The following FAM78B variants were observed in gnomAD, a reference collection of about 807,000 sequenced individuals.
FAM78B encodes the protein protein FAM78B.
FAM78B carries 10 observed loss-of-function variants against 20.0 expected under a neutral mutation model. The ratio of observed to expected loss-of-function variants is 0.50; its 90% CI spans 0.31 to 0.85. The LOEUF (loss-of-function observed/expected upper bound fraction) is 0.85. Ranked by LOEUF, FAM78B falls within the 40% of genes least tolerant of loss-of-function variation. The pLI, the probability that FAM78B is intolerant of heterozygous loss-of-function variation, is 0.05. For missense variants in FAM78B, 283 were observed against 345.0 expected (o/e 0.82, Z 1.42); for synonymous variants, 135 against 132.8 (o/e 1.02, Z -0.12).
chr1:166,114,143 T>C (rs1426663023), intron 1 of FAM78B, among the ~76,000 whole-genome samples: 3 of 152,246 alleles, frequency 2.0e-5, no homozygotes, highest in African/African-American at 7.2e-5. Flanking sequence ...GGCACACCTT[T>C]GGGTGCATGA....
chr1:166,135,988 C>G (rs1230910623), intron 1 of FAM78B, among the ~76,000 whole-genome samples: 1 of 152,082 alleles, frequency 6.6e-6, no homozygotes, highest in Non-Finnish European at 1.5e-5. Flanking sequence ...CTAGAATATC[C>G]CCAGGGGTTC....
intron 1 of FAM78B, among the ~76,000 whole-genome samples, chr1:166,128,922 T>C (rs1428480511): frequency 2.0e-5 from 3 of 152,194 alleles, no homozygotes; most frequent in Non-Finnish European, 2.9e-5. Context: ...ATATCTTAAT[T>C]GTATAGAGTG....
At chr1:166,067,957 T>C (rs73033937), downstream of FAM78B, among the ~76,000 whole-genome samples, 6,467 of 152,340 alleles carry the variant, frequency 0.042, 439 homozygotes, top group African/African-American at 0.15. Flanking sequence ...TTTAGATATA[T>C]AGATAAGCTT....
chr1:166,090,626 G>A (rs1481790925), intron 1 of FAM78B, among the ~76,000 whole-genome samples: 2 of 152,182 alleles, frequency 1.3e-5, no homozygotes, highest in Non-Finnish European at 2.9e-5. Context: ...CCATCAGTTC[G>A]AATGATTTCT....
intron 1 of FAM78B, among the ~76,000 whole-genome samples, chr1:166,086,317 T>C (rs1222107268): frequency 6.6e-6 from 1 of 152,136 alleles, no homozygotes; most frequent in Non-Finnish European, 1.5e-5. Context: ...TAGGTGACAC[T>C]AGAGCAGAGG....
At chr1:166,100,752 T>C (rs1653481989) in intron 1 of FAM78B, among the ~76,000 whole-genome samples, 1 of 152,212 alleles carries the variant, frequency 6.6e-6, no homozygotes, top group African/African-American at 2.4e-5. Flanking sequence ...CCTCTGTAGA[T>C]TCCACCTCTG....
At chr1:166,077,710 TATA>T (rs1652339343) in intron 1 of FAM78B, among the ~76,000 whole-genome samples, 1 of 139,278 alleles carries the variant, frequency 7.2e-6, no homozygotes, top group Non-Finnish European at 1.5e-5. Flanking sequence ...AATAAATACA[TATA>T]ATTACATATA....
downstream of FAM78B, among the ~76,000 whole-genome samples, chr1:166,067,227 C>A (rs941669755): frequency 6.6e-6 from 1 of 152,126 alleles, no homozygotes; most frequent in Non-Finnish European, 1.5e-5. Context: ...CTTCTCTTGG[C>A]TCTTCAGCTG....
In FAM78B at chr1:166,109,856, ATATATG is replaced by A. The variant is rs1417003952; in HGVS notation, c.264-39099_264-39094del. 3.6e-4 allele frequency among the ~76,000 whole-genome samples: 7 copies of A among 19,374 alleles called. 1 individual carries two copies. The South Asian group carries it at 0.011, about 29-fold the overall frequency. 12.7% of individuals were successfully genotyped at this position (19,374 alleles called of 152,430 possible). A position where few individuals can be genotyped will look rare whatever the true frequency, so the allele number is the denominator to read the frequency against. The stretch of plus-strand genomic sequence containing the variant: ...TGTATATATGTATATATATATATAT[ATATATG>A]TATGTGTATATATATATATGTATAT... On this transcript the variant is annotated intron_variant, in intron 1 of 1. Coordinates refer to ENST00000354422, the MANE Select transcript of FAM78B (RefSeq NM_001017961.5).
intron 1 of FAM78B, among the ~76,000 whole-genome samples, chr1:166,152,839 A>T (rs965811135): frequency 6.6e-6 from 1 of 151,930 alleles, no homozygotes; most frequent in African/African-American, 2.4e-5. Flanking sequence ...CACCACACCC[A>T]GCTAATTTTT....
intron 1 of FAM78B, among the ~76,000 whole-genome samples, chr1:166,089,295 G>A (rs554956300): frequency 1.3e-5 from 2 of 152,258 alleles, no homozygotes; most frequent in South Asian, 2.1e-4. Flanking sequence ...GTCTCTCTTC[G>A]TGTGGATTGG....
At chr1:166,060,578 G>A in exon 3 of FAM78B, 3 of 1,287,088 alleles carry the variant, frequency 2.3e-6, no homozygotes, top group Non-Finnish European at 3.0e-6. Flanking sequence ...TCAGCTTCTG[G>A]AGCCGCCAGC....
intron 1 of FAM78B, among the ~76,000 whole-genome samples, chr1:166,105,236 C>T (rs1242074197): frequency 6.6e-6 from 1 of 152,084 alleles, no homozygotes; most frequent in Non-Finnish European, 1.5e-5. Context: ...ATGTTAGACC[C>T]AAAACCATAA....
At chr1:166,115,295 G>A (rs1402813425) in intron 1 of FAM78B, among the ~76,000 whole-genome samples, 2 of 152,248 alleles carry the variant, frequency 1.3e-5, no homozygotes, top group African/African-American at 2.4e-5. Context: ...GCCTCTTTGA[G>A]AATGTTGTCA....
At chr1:166,156,760 G>A (rs576925599) in intron 1 of FAM78B, among the ~76,000 whole-genome samples, 7 of 152,214 alleles carry the variant, frequency 4.6e-5, no homozygotes, top group Admixed American at 2.0e-4. Context: ...CAACCTTCCT[G>A]AGCATGAACA....
intron 1 of FAM78B, among the ~76,000 whole-genome samples, chr1:166,133,567 T>A (rs1274553348): frequency 6.7e-6 from 1 of 149,952 alleles, no homozygotes; most frequent in Non-Finnish European, 1.5e-5. Flanking sequence ...TTTGCAACTT[T>A]TAAATAATAT....
chr1:166,109,850 A>ATATGTG (rs1653948175), intron 1 of FAM78B, among the ~76,000 whole-genome samples: 1 of 19,060 alleles, frequency 5.2e-5, no homozygotes, highest in Non-Finnish European at 1.2e-4. Context: ...GTATATATAT[A>ATATGTG]TATATATATA....
Position 166,165,996 on chromosome 1 carries a change from C to G in FAM78B, c.253G>C (p.Asp85His), listed in dbSNP as rs1656361228. 1 of 1,613,572 alleles carries G rather than the reference C, an allele frequency of 6.2e-7. No individual in the cohort carries two copies. Among genetic ancestry groups the G allele is most frequent in the East Asian group, 2.2e-5 (1 of 44,826 alleles). ...CGGCGAGTCGCTTACATGCCCAGGT[C>G]GCTGTAGGTGTTGAAGAACTCCATC... is the stretch of plus-strand genomic sequence containing the variant. ...NQMEFFNTYS[D>H]LGMSSWELPD... Residue 85 changes from aspartate to histidine, a missense_variant, in exon 1 of 2, where the codon GAC becomes CAC. By Grantham distance (81) the Asp-to-His change is moderately conservative. Coordinates refer to ENST00000354422, the MANE Select transcript of FAM78B (RefSeq NM_001017961.5).
chr1:166,067,578 T>C (rs1651848212), downstream of FAM78B, among the ~76,000 whole-genome samples: 1 of 152,150 alleles, frequency 6.6e-6, no homozygotes, highest in African/African-American at 2.4e-5. Context: ...TTCTCTCTTG[T>C]ACAAGAGACT....
Sources: gnomAD v4.1 joint callset for allele counts (sites outside exome capture counted in the v4.1 genomes callset) on GRCh38, gnomAD v4.1.1 for gene constraint, MANE v1.5 for transcripts, NCBI Gene and HGNC (gene_info 2026-07-23, HGNC 2026-07-21) for gene names.